PREX1: variants seen among roughly 807,000 people sequenced by gnomAD.
The protein encoded by PREX1 is phosphatidylinositol-3,4,5-trisphosphate dependent Rac exchange factor 1.
In PREX1, 41 loss-of-function variants were observed where a neutral mutation model predicts 198.3. The ratio of observed to expected loss-of-function variants is 0.21; its 90% CI spans 0.16 to 0.27. PREX1 has a LOEUF of 0.27. Ranked by LOEUF, PREX1 falls within the 10% of genes least tolerant of loss-of-function variation. PREX1 has a pLI of 1.00. For missense variants in PREX1, 1,620 were observed against 2,200.7 expected, an observed-to-expected ratio of 0.74 and a Z score of 5.28; for synonymous variants, 843 against 887.2, an observed-to-expected ratio of 0.95 and a Z score of 0.89.
chr20:48,636,720 G>A (rs927193933), intron 31 of PREX1, 37 bp from the exon 32 acceptor site: 28 of 1,533,026 alleles, frequency 1.8e-5, no homozygotes, highest in East Asian at 1.2e-4. Context: ...CTGGAGGGGC[G>A]CTCCCGTGCC....
the PREX1 span, among the ~76,000 whole-genome samples, chr20:48,857,085 C>A: frequency 2.6e-5 from 4 of 152,208 alleles, no homozygotes; most frequent in African/African-American, 7.2e-5. Context: ...GTGATCCACA[C>A]TCCTCGGCCT....
At chr20:48,806,251 G>A (rs764211317) in intron 1 of PREX1, among the ~76,000 whole-genome samples, 3 of 152,172 alleles carry the variant, frequency 2.0e-5, no homozygotes, top group African/African-American at 7.2e-5. Context: ...AGCTCCAGGA[G>A]GACAAAGATC....
At chr20:48,834,700 C>T in the PREX1 span, among the ~76,000 whole-genome samples, 2 of 152,190 alleles carry the variant, frequency 1.3e-5, no homozygotes, top group African/African-American at 4.8e-5. Context: ...GCTGGGACCC[C>T]AGGCATATGC....
intron 10 of PREX1, among the ~76,000 whole-genome samples, chr20:48,682,672 T>C (rs994284587): frequency 6.6e-6 from 1 of 152,200 alleles, no homozygotes; most frequent in African/African-American, 2.4e-5. Context: ...AGCTCCCACG[T>C]GACTGCCCGG....
chr20:48,625,854 G>A lies in PREX1; in HGVS notation c.*31C>T, dbSNP rs369915466. On this transcript the variant is annotated 3_prime_UTR_variant, in exon 40 of 40. Coordinates refer to ENST00000371941, the MANE Select transcript of PREX1 (RefSeq NM_020820.4). ...TGTCCTCCCAAATCCCAGCTCCAGAGGCCGCGGCCCAGCGTGGGGCATTTG... is the reference window on the plus strand; with the variant it reads ...TGTCCTCCCAAATCCCAGCTCCAGAAGCCGCGGCCCAGCGTGGGGCATTTG... The A allele has an allele frequency of 1.0e-5, 16 of 1,546,400 alleles. No individual in the cohort carries two copies. The highest frequency in any genetic ancestry group is 1.4e-5 in the Non-Finnish European group (16 of 1,144,964).
In PREX1 at chr20:48,634,627, C is replaced by T. The variant is rs779352706; in HGVS notation, c.4267+49G>A. ...GGTGACCCCAGAGAGCTGTCCCTTC[C>T]ACCCCAGGACCCCACCTCTCACAGT... On this transcript the variant is annotated intron_variant, in intron 33 of 39. Transcript: ENST00000371941. 13 of 1,584,754 alleles carry T rather than the reference C, an allele frequency of 8.2e-6. No homozygotes were observed. The East Asian group carries it at 1.1e-4, about 14-fold the overall frequency.
the PREX1 span, among the ~76,000 whole-genome samples, chr20:48,848,016 G>A: frequency 6.6e-6 from 1 of 152,124 alleles, no homozygotes; most frequent in Non-Finnish European, 1.5e-5. Flanking sequence ...AATCTTTTGG[G>A]TTGTCTCCAC....
chr20:48,803,855 T>A (rs999406211), intron 1 of PREX1, among the ~76,000 whole-genome samples: 3 of 152,234 alleles, frequency 2.0e-5, no homozygotes, highest in Non-Finnish European at 4.4e-5. Context: ...TGGATCCAAC[T>A]GTGCCTGAGG....
At chr20:48,658,784 C>G (rs1014129277) in intron 16 of PREX1, among the ~76,000 whole-genome samples, 1 of 152,006 alleles carries the variant, frequency 6.6e-6, no homozygotes, top group Non-Finnish European at 1.5e-5. Flanking sequence ...GGATAGGGCA[C>G]GGCAAGGGGG....
intron 1 of PREX1, among the ~76,000 whole-genome samples, chr20:48,748,746 G>A (rs1473873269): frequency 6.6e-6 from 1 of 152,194 alleles, no homozygotes; most frequent in East Asian, 1.9e-4. Flanking sequence ...GGGGCTGCGG[G>A]AGCCGAGGGT....
upstream of PREX1, among the ~76,000 whole-genome samples, chr20:48,829,397 G>C (rs1006184091): frequency 2.0e-5 from 3 of 152,196 alleles, no homozygotes; most frequent in Non-Finnish European, 4.4e-5. Flanking sequence ...AAAAGCCTAG[G>C]ATTTTCCTCC....
At chr20:48,875,282 G>A in the PREX1 span, among the ~76,000 whole-genome samples, 9 of 152,186 alleles carry the variant, frequency 5.9e-5, no homozygotes, top group Admixed American at 5.2e-4. Context: ...AGAGATCCCC[G>A]CAGAGGGAAC....
At chr20:48,704,645 T>G (rs2089893766) in intron 6 of PREX1, among the ~76,000 whole-genome samples, 1 of 151,896 alleles carries the variant, frequency 6.6e-6, no homozygotes, top group African/African-American at 2.4e-5. Flanking sequence ...TGCAACCACC[T>G]CCCAGGTTCA....
chr20:48,692,850 C>T, intron 7 of PREX1, 60 bp from the exon 8 acceptor site: 2 of 1,403,062 alleles, frequency 1.4e-6, no homozygotes, highest in Non-Finnish European at 1.0e-6. Flanking sequence ...CAACTGTTTT[C>T]AACAGCGCAA....
chr20:48,736,604 G>T (rs2090058082), intron 3 of PREX1, among the ~76,000 whole-genome samples: 1 of 152,216 alleles, frequency 6.6e-6, no homozygotes, highest in Non-Finnish European at 1.5e-5. Context: ...AAAGAGCTGG[G>T]TGAGTAGATG....
chr20:48,654,779 A>G (rs551592327), intron 19 of PREX1, among the ~76,000 whole-genome samples: 1 of 152,256 alleles, frequency 6.6e-6, no homozygotes, highest in Admixed American at 6.5e-5. Flanking sequence ...TTGGGGGCCC[A>G]GTATCATAGA....
chr20:48,767,627 C>T (rs1302368088), intron 1 of PREX1, among the ~76,000 whole-genome samples: 1 of 152,146 alleles, frequency 6.6e-6, no homozygotes, highest in Non-Finnish European at 1.5e-5. Flanking sequence ...GTCAGTGCAT[C>T]GACGTAAAAG....
the PREX1 span, among the ~76,000 whole-genome samples, chr20:48,838,164 C>T: frequency 1.3e-5 from 2 of 152,166 alleles, no homozygotes; most frequent in African/African-American, 4.8e-5. Context: ...ATGAGCCGCA[C>T]AAAGGCTTAA....
chr20:48,628,383 A>T (rs1278107635), intron 37 of PREX1, among the ~76,000 whole-genome samples: 1 of 152,146 alleles, frequency 6.6e-6, no homozygotes, highest in Non-Finnish European at 1.5e-5. Context: ...TAGAACGTGG[A>T]TTCTGCAGCA....
Sources: allele counts gnomAD v4.1 joint callset (sites outside exome capture counted in the v4.1 genomes callset), GRCh38; gene constraint gnomAD v4.1.1; transcripts MANE v1.5; gene names NCBI Gene and HGNC (gene_info 2026-07-23, HGNC 2026-07-21).